Variants in UBXN2A observed in about 807,000 individuals in gnomAD.
UBXN2A encodes UBX domain-containing protein 2A.
Under a neutral mutation model 28.4 loss-of-function variants are expected in UBXN2A, and 28 were observed. That is an observed-to-expected ratio of 0.99 (90% CI 0.73 to 1.35). UBXN2A has a LOEUF of 1.35. Among genes scored for constraint, UBXN2A ranks in the 40% most tolerant of loss-of-function variants. The pLI, the probability that UBXN2A is intolerant of heterozygous loss-of-function variation, is 0.00. For missense variants in UBXN2A, 253 were observed against 297.9 expected (o/e 0.85, Z 1.11); for synonymous variants, 97 against 103.6 (o/e 0.94, Z 0.39).
At chr2:23,973,477 T>C (rs1216571704) in intron 3 of UBXN2A, among the ~76,000 whole-genome samples, 1 of 151,672 alleles carries the variant, frequency 6.6e-6, no homozygotes, top group Non-Finnish European at 1.5e-5. Flanking sequence ...TAGCCCGGAC[T>C]ACAAGCGCCC....
At chr2:23,955,291 C>A (rs1262872497) in intron 1 of UBXN2A, among the ~76,000 whole-genome samples, 1 of 152,116 alleles carries the variant, frequency 6.6e-6, no homozygotes, top group Non-Finnish European at 1.5e-5. Context: ...GTTGCTGTAA[C>A]CCTTCTTTGA....
chr2:23,939,252 CAA>C (rs1174679334), upstream of UBXN2A, among the ~76,000 whole-genome samples: 5 of 152,014 alleles, frequency 3.3e-5, no homozygotes, highest in African/African-American at 7.2e-5. Flanking sequence ...AAATAAAAAA[CAA>C]ATCTGGATAT....
In UBXN2A at chr2:24,004,305, AT is replaced by A. The variant is rs1708763485; in HGVS notation, c.*4440del. The A allele has an allele frequency of 6.6e-6, 1 of 152,234 alleles. No homozygotes were observed. 9.4% of individuals were successfully genotyped at this position (152,234 alleles called of 1,614,324 possible). On this transcript the variant is annotated 3_prime_UTR_variant, in exon 7 of 7. Coordinates refer to ENST00000309033, the MANE Select transcript of UBXN2A (RefSeq NM_181713.4). ...TGGGGCATACAATTTGACCTAAGCA[AT>A]TGTTTCAAAACTGTCTTCAGTTTCT...
At chr2:23,989,867 T>C (rs993197110) in intron 6 of UBXN2A, among the ~76,000 whole-genome samples, 5 of 152,136 alleles carry the variant, frequency 3.3e-5, no homozygotes, top group African/African-American at 1.2e-4. Context: ...ATTGCACCAC[T>C]GCATTCCAGC....
upstream of UBXN2A, among the ~76,000 whole-genome samples, chr2:23,937,216 A>C (rs1705556908): frequency 6.6e-6 from 1 of 152,168 alleles, no homozygotes; most frequent in Non-Finnish European, 1.5e-5. Flanking sequence ...TTAGACAATA[A>C]AAAGAAATAA....
At chr2:23,995,215 CT>C (rs894941593) in intron 6 of UBXN2A, among the ~76,000 whole-genome samples, 272 of 148,774 alleles carry the variant, frequency 1.8e-3, no homozygotes, top group African/African-American at 6.3e-3. Context: ...AGTGAAATGG[CT>C]TTTTTTTTTC....
rs1376090334 is a variant in UBXN2A at position 23,971,141 on chromosome 2, A to G, written c.42-135A>G. 12 of 963,188 alleles carry G rather than the reference A, an allele frequency of 1.2e-5. 1 individual carries two copies. The highest frequency in any genetic ancestry group is 3.2e-5 in the African/African-American group (2 of 61,620). 59.7% of individuals were successfully genotyped at this position (963,188 alleles called of 1,614,324 possible). On this transcript the variant is annotated intron_variant, in intron 2 of 6. Transcript: ENST00000309033. ...AGGGGTTAATGACTTCCCCAAGGTT[A>G]TATTAACTTAGGAGAGGGCCTGAAC...
intron 2 of UBXN2A, among the ~76,000 whole-genome samples, chr2:23,961,376 G>A (rs149441543): frequency 0.029 from 4,344 of 151,982 alleles, 91 homozygotes; most frequent in South Asian, 0.073. Flanking sequence ...GATTACAGAC[G>A]TGAGCCACCG....
chr2:23,984,962 C>A, intron 6 of UBXN2A, 131 bp downstream of exon 6: 2 of 937,756 alleles, frequency 2.1e-6, no homozygotes, highest in Non-Finnish European at 1.5e-6. Flanking sequence ...AGTGCAGTGG[C>A]ACAGTCATAG....
chr2:23,992,762 A>G (rs1268463107), intron 6 of UBXN2A, among the ~76,000 whole-genome samples: 1 of 152,196 alleles, frequency 6.6e-6, no homozygotes, highest in Admixed American at 6.6e-5. Flanking sequence ...TCTGCCTGAT[A>G]TTAATATGGT....
At chr2:23,951,567 T>TA (rs1387952204) in intron 1 of UBXN2A, among the ~76,000 whole-genome samples, 3 of 151,650 alleles carry the variant, frequency 2.0e-5, no homozygotes, top group Non-Finnish European at 4.4e-5. Context: ...TTCAAGCGAT[T>TA]CTCCTGCCTC....
At chr2:23,973,115 G>A (rs1467911240) in intron 3 of UBXN2A, among the ~76,000 whole-genome samples, 1 of 151,818 alleles carries the variant, frequency 6.6e-6, no homozygotes, top group Non-Finnish European at 1.5e-5. Context: ...TGTCTCCCAG[G>A]TTCAAGCCAT....
intron 1 of UBXN2A, among the ~76,000 whole-genome samples, chr2:23,941,517 C>T (rs985634157): frequency 5.9e-5 from 9 of 152,178 alleles, no homozygotes; most frequent in African/African-American, 2.4e-5. Context: ...GTTAAGCACA[C>T]TAATGATATG....
At chr2:23,990,905 CTG>C (rs979850860) in intron 6 of UBXN2A, among the ~76,000 whole-genome samples, 1 of 151,970 alleles carries the variant, frequency 6.6e-6, no homozygotes, top group Non-Finnish European at 1.5e-5. Flanking sequence ...AAAAGTAAAA[CTG>C]TCCTTAAAAG....
At chr2:23,997,404 ATC>A (rs1354084180) in intron 6 of UBXN2A, among the ~76,000 whole-genome samples, 1 of 152,170 alleles carries the variant, frequency 6.6e-6, no homozygotes, top group African/African-American at 2.4e-5. Flanking sequence ...GATTTCTTAT[ATC>A]TCTGGATTTA....
At chr2:23,991,495 G>C (rs1460242780) in intron 6 of UBXN2A, among the ~76,000 whole-genome samples, 1 of 151,814 alleles carries the variant, frequency 6.6e-6, no homozygotes. Flanking sequence ...TTGAGATGGA[G>C]TCTCTCTCTG....
At chr2:23,931,580 G>C (rs1705369096) in intron 1 of UBXN2A, among the ~76,000 whole-genome samples, 1 of 152,154 alleles carries the variant, frequency 6.6e-6, no homozygotes, top group African/African-American at 2.4e-5. Context: ...CATGCAAGAG[G>C]TGGCAAGATA....
chr2:23,997,292 T>C (rs2150923263), intron 6 of UBXN2A, among the ~76,000 whole-genome samples: 1 of 152,340 alleles, frequency 6.6e-6, no homozygotes, highest in East Asian at 1.9e-4. Flanking sequence ...TAGTCAATTC[T>C]ATTTCTGAAA....
chr2:23,956,794 A>G (rs934753161), intron 1 of UBXN2A, among the ~76,000 whole-genome samples: 1 of 152,186 alleles, frequency 6.6e-6, no homozygotes, highest in African/African-American at 2.4e-5. Flanking sequence ...ATATTTAGAA[A>G]CCAACATATA....
Sources: gnomAD v4.1 joint callset for allele counts (sites outside exome capture counted in the v4.1 genomes callset) on GRCh38, gnomAD v4.1.1 for gene constraint, MANE v1.5 for transcripts, NCBI Gene and HGNC (gene_info 2026-07-23, HGNC 2026-07-21) for gene names.